Variants in TRPM6 observed in about 807,000 individuals in gnomAD.
The protein encoded by TRPM6 is transient receptor potential cation channel subfamily M member 6, also known as channel kinase 2.
In TRPM6, 111 loss-of-function variants were observed where a neutral mutation model predicts 247.6. The ratio of observed to expected loss-of-function variants is 0.45; its 90% CI spans 0.38 to 0.52. The LOEUF (loss-of-function observed/expected upper bound fraction) is 0.52. Ranked by LOEUF, TRPM6 falls within the 20% of genes least tolerant of loss-of-function variation. TRPM6 has a pLI of 0.00. For synonymous variants in TRPM6, 892 were observed against 853.8 expected, an observed-to-expected ratio of 1.04 and a Z score of -0.78; for missense variants, 2,126 against 2,421.5, an observed-to-expected ratio of 0.88 and a Z score of 2.56.
In TRPM6 at chr9:74,752,270, T is replaced by G. The variant is rs1158834522; in HGVS notation, c.4998+7A>C. On this transcript the variant is annotated splice_region_variant and intron_variant, in intron 29 of 38. Coordinates refer to ENST00000360774, the MANE Select transcript of TRPM6 (RefSeq NM_017662.5). ...GCTTTTTTTTTTAACTCCTAAAATA[T>G]TTTTACCTCTTGAGACTGCTTTAGG... is the stretch of plus-strand genomic sequence containing the variant. 6.5e-7 allele frequency: 1 copy of G among 1,533,196 alleles called. No homozygotes were observed. Among genetic ancestry groups the G allele is most frequent in the East Asian group, 2.3e-5 (1 of 44,352 alleles). 95.0% of individuals were successfully genotyped at this position (1,533,196 alleles called of 1,614,324 possible). A position where few individuals can be genotyped will look rare whatever the true frequency, so the allele number is the denominator to read the frequency against.
intron 3 of TRPM6, among the ~76,000 whole-genome samples, chr9:74,848,987 T>C (rs1016009428): frequency 6.6e-6 from 1 of 152,172 alleles, no homozygotes; most frequent in Non-Finnish European, 1.5e-5. Flanking sequence ...GACTGAATTG[T>C]TTTCTGACAA....
Position 74,762,368 on chromosome 9 carries a change from T to G in TRPM6, c.4303A>C (p.Thr1435Pro). The G allele has an allele frequency of 8.7e-6, 14 of 1,614,248 alleles. No homozygotes were observed. The highest frequency in any genetic ancestry group is 1.2e-5 in the Non-Finnish European group (14 of 1,180,052). Residue 1435 changes from threonine to proline, a missense_variant, in exon 26 of 39, where the codon ACA (threonine) becomes CCA (proline). Thr to Pro is a conservative substitution (Grantham distance 38). This residue lies in a region of TRPM6 where 717 missense variants were observed against 715.9 expected (regional missense o/e 1.00). Transcript: ENST00000360774. ...GCTTGGGAAAGAGGGGAGCTCATTG[T>G]CATGGGTTCAGGTGTGCAACTCAAA... ...PTLSCTPEPM[T>P]MSSPLSQAKI...
Position 74,752,294 on chromosome 9 carries a change from G to C in TRPM6, c.4981C>G (p.Leu1661Val). Reference protein sequence around the residue: ...GQCAIQISDYLKQSQEDLSKN... With the variant: ...GQCAIQISDYVKQSQEDLSKN... ...ATTTTTACCTCTTGAGACTGCTTTA[G>C]GTAATCACTGATTTGTATAGCACAT... The change falls in exon 29 of 39, where the codon CTA becomes GTA. Residue 1661 changes from leucine (L) to valine (V), a missense_variant. By Grantham distance (32) the Leu-to-Val change is conservative. Coordinates refer to ENST00000360774, the MANE Select transcript of TRPM6 (RefSeq NM_017662.5). The C allele has an allele frequency of 6.3e-7, 1 of 1,594,994 alleles. No individual in the cohort carries two copies. Among genetic ancestry groups the C allele is most frequent in the African/African-American group, 1.3e-5 (1 of 74,660 alleles).
rs1440939591 is a variant in TRPM6 at position 74,724,120 on chromosome 9, C to A, written c.*493G>T. 2.8e-5 allele frequency: 5 copies of A among 175,618 alleles called. No individual in the cohort carries two copies. The highest frequency in any genetic ancestry group is 6.1e-5 in the Non-Finnish European group (5 of 81,736). The allele number at this position is 175,618 out of a possible 1,614,324, so 10.9% of individuals were successfully genotyped here. On this transcript the variant is annotated 3_prime_UTR_variant, in exon 39 of 39. Transcript: ENST00000360774. The stretch of plus-strand genomic sequence containing the variant: ...CATTGTTTTTCCTATCATTGCTATT[C>A]AAAGTCCTATGTTGTGGAAAAGACA...
chr9:74,776,908 C>A (rs982480158), intron 23 of TRPM6, among the ~76,000 whole-genome samples: 4 of 152,128 alleles, frequency 2.6e-5, no homozygotes, highest in African/African-American at 9.7e-5. Flanking sequence ...AGAAAGATAG[C>A]AGAGTAGAAC....
rs1399740320 is a variant in TRPM6 at position 74,782,734 on chromosome 9, AAT to A, written c.3037_3038del (p.Ile1013CysfsTer3). The A allele has an allele frequency of 6.2e-7, 1 of 1,614,218 alleles. No individual in the cohort carries two copies. Among genetic ancestry groups the A allele is most frequent in the South Asian group, 1.1e-5 (1 of 91,080 alleles). On this transcript the variant is annotated frameshift_variant, in exon 22 of 39. Coordinates refer to ENST00000360774, the MANE Select transcript of TRPM6 (RefSeq NM_017662.5). LOFTEE classifies it high-confidence loss of function. ...ATATCATCCAGTATGGCTCAAATAC[AAT>A]ATCTCGAGCTAGACTCCAAGATGGT... is the stretch of plus-strand genomic sequence containing the variant. ...EPPSWSLARD[I>X]VFEPYWMIYG...
At position 74,816,754 on chromosome 9, in the gene TRPM6, G is replaced by A. The variant is rs1272661781; in HGVS notation, c.1223C>T (p.Ala408Val). The A allele has an allele frequency of 2.5e-6, 4 of 1,614,088 alleles. No individual in the cohort carries two copies. The highest frequency in any genetic ancestry group is 2.7e-5 in the African/African-American group (2 of 75,034). The stretch of plus-strand genomic sequence containing the variant: ...CATTGCCAGATTTAATTGCTCTGAC[G>A]CTGATAAATTTGTGCCTAGGGTAAA... ...TALLKGTNLS[A>V]SEQLNLAMAW... Residue 408 changes from alanine (A) to valine (V), a missense_variant, in exon 11 of 39, where the codon GCG becomes GTG. Ala to Val is a moderately conservative substitution (Grantham distance 64, BLOSUM62 0). Transcript: ENST00000360774.
At chr9:74,727,167 G>C (rs1034338971) in intron 38 of TRPM6, among the ~76,000 whole-genome samples, 1 of 151,988 alleles carries the variant, frequency 6.6e-6, no homozygotes, top group Non-Finnish European at 1.5e-5. Flanking sequence ...TGGATCATGA[G>C]GTCAGGAGAT....
At chr9:74,799,539 C>A (rs973153077) in intron 17 of TRPM6, among the ~76,000 whole-genome samples, 5 of 124,834 alleles carry the variant, frequency 4.0e-5, no homozygotes, top group Admixed American at 1.5e-4. Context: ...CAAAAAAAAA[C>A]ACACACACAT....
At chr9:74,853,769 C>A (rs1466364802) in intron 3 of TRPM6, among the ~76,000 whole-genome samples, 1 of 152,128 alleles carries the variant, frequency 6.6e-6, no homozygotes, top group African/African-American at 2.4e-5. Flanking sequence ...CCCTTGTTCA[C>A]ATGTTTATCT....
chr9:74,753,800 T>G (rs1435483607), intron 28 of TRPM6, among the ~76,000 whole-genome samples: 1 of 152,026 alleles, frequency 6.6e-6, no homozygotes, highest in Admixed American at 6.6e-5. Flanking sequence ...CTCAGACACG[T>G]TTCAAAAAAA....
chr9:74,739,602 C>T, intron 34 of TRPM6, 121 bp downstream of exon 34: 1 of 1,526,092 alleles, frequency 6.6e-7, no homozygotes, highest in Non-Finnish European at 9.0e-7. Flanking sequence ...AGCAATACTA[C>T]CTCTAAAAAA....
At chr9:74,771,987 A>G (rs1827062259) in intron 24 of TRPM6, 152 bp from the exon 25 acceptor site, 5 of 744,548 alleles carry the variant, frequency 6.7e-6, no homozygotes, top group Non-Finnish European at 1.1e-5. Context: ...ATGCAGAAAC[A>G]GCACCAATAA....
intron 21 of TRPM6, among the ~76,000 whole-genome samples, chr9:74,785,635 G>A (rs1359800319): frequency 5.9e-5 from 9 of 152,006 alleles, no homozygotes; most frequent in African/African-American, 9.7e-5. Context: ...CTATTCTCCC[G>A]CCTCAGCCTC....
rs1829134755 is a variant in TRPM6, at chr9:74,821,754, C to T, written c.925G>A (p.Asp309Asn). ...TCACACACCACCACTGGGTCCTTGT[C>T]CTTGACAGTCTCCCACACTGACAGG... is the stretch of plus-strand genomic sequence containing the variant. ...VILSVWETVK[D>N]KDPVVVCEGT... The change falls in exon 8 of 39, where the codon GAC becomes AAC. Residue 309 changes from aspartate (D) to asparagine (N), a missense_variant. Physicochemically the swap from Asp to Asn is conservative, Grantham distance 23 (BLOSUM62 1). Around this residue, in one of 3 missense-constraint regions of TRPM6, gnomAD observed 1,082 missense variants for 1,307.9 expected, o/e 0.83. Transcript: ENST00000360774. 1 of 1,614,090 alleles carries T rather than the reference C, an allele frequency of 6.2e-7. No homozygotes were observed. The highest frequency in any genetic ancestry group is 8.5e-7 in the Non-Finnish European group (1 of 1,180,032).
chr9:74,833,164 G>T (rs1829601894), intron 6 of TRPM6, among the ~76,000 whole-genome samples: 1 of 152,032 alleles, frequency 6.6e-6, no homozygotes. Context: ...ATAGCAATCA[G>T]TTCTGTTACT....
At chr9:74,883,736 G>A (rs1005550789) in intron 1 of TRPM6, among the ~76,000 whole-genome samples, 1 of 152,188 alleles carries the variant, frequency 6.6e-6, no homozygotes, top group Non-Finnish European at 1.5e-5. Context: ...CAGGCACGGT[G>A]TCATGTGCCT....
intron 32 of TRPM6, among the ~76,000 whole-genome samples, chr9:74,743,346 G>A (rs574934946): frequency 5.3e-5 from 8 of 152,266 alleles, no homozygotes; most frequent in East Asian, 3.9e-4. Flanking sequence ...AGTAATTATC[G>A]CACCAATAAG....
At chr9:74,757,386 C>T (rs1242476230) in intron 27 of TRPM6, among the ~76,000 whole-genome samples, 1 of 150,750 alleles carries the variant, frequency 6.6e-6, no homozygotes. Flanking sequence ...GCCAACATGT[C>T]GAAAACCTGT....
Sources: gnomAD v4.1 joint callset for allele counts (sites outside exome capture counted in the v4.1 genomes callset) on GRCh38, gnomAD v4.1.1 for gene constraint, gnomAD v4.1.1 regional missense constraint, MANE v1.5 for transcripts, NCBI Gene and HGNC (gene_info 2026-07-23, HGNC 2026-07-21) for gene names.